Variants in AKAP6 observed in about 807,000 individuals in gnomAD.
The protein encoded by AKAP6 is A-kinase anchoring protein 6.
Under a neutral mutation model 188.5 loss-of-function variants are expected in AKAP6, and 58 were observed. The observed-to-expected ratio is 0.31, with a 90% CI of 0.25 to 0.38. The LOEUF (loss-of-function observed/expected upper bound fraction) is 0.38. Among genes scored for constraint, AKAP6 ranks in the 10% least tolerant of loss-of-function variants. The pLI, the probability that AKAP6 is intolerant of heterozygous loss-of-function variation, is 1.00. For missense variants in AKAP6, 2,710 were observed against 2,740.0 expected (o/e 0.99, Z 0.24); for synonymous variants, 989 against 998.6 (o/e 0.99, Z 0.18).
intron 10 of AKAP6, chr14:32,732,876 C>T (rs965611806): frequency 5.1e-6 from 3 of 592,848 alleles, no homozygotes; most frequent in East Asian, 2.8e-5. Context: ...TATGGGTATG[C>T]ACCAAGTCAA....
At chr14:32,509,603 T>C (rs1881070218) in intron 2 of AKAP6, among the ~76,000 whole-genome samples, 3 of 152,218 alleles carry the variant, frequency 2.0e-5, no homozygotes, top group African/African-American at 7.2e-5. Flanking sequence ...TTATGAATTC[T>C]CCTTGACCAT....
intron 11 of AKAP6, among the ~76,000 whole-genome samples, chr14:32,737,625 G>A (rs1187434924): frequency 6.6e-6 from 1 of 152,038 alleles, no homozygotes; most frequent in Admixed American, 6.6e-5. Context: ...TGCCTCTCGT[G>A]GGTTCCTAAA....
chr14:32,824,062 T>C lies in AKAP6; in HGVS notation c.6249T>C (p.Ala2083=). The C allele has an allele frequency of 2.5e-6, 4 of 1,613,922 alleles. No homozygotes were observed. The East Asian group carries it at 8.9e-5, about 36-fold the overall frequency. ...SKSQPENEVA[A]PTSLTQIKEK... ...CTCAACCTGAAAACGAGGTGGCTGC[T>C]CCTACTTCATTAACTCAAATCAAGG... The change falls in exon 13 of 14, where the codon GCT becomes GCC. Residue 2083 remains alanine (A), a synonymous_variant. Transcript: ENST00000280979.
At chr14:32,394,170 T>C (rs1210424534) in intron 1 of AKAP6, among the ~76,000 whole-genome samples, 3 of 152,174 alleles carry the variant, frequency 2.0e-5, no homozygotes, top group African/African-American at 7.2e-5. Context: ...TTGAAAGCTA[T>C]TTGGTAGTTC....
chr14:32,786,369 G>A (rs1277727246), intron 12 of AKAP6, among the ~76,000 whole-genome samples: 1 of 133,290 alleles, frequency 7.5e-6, no homozygotes, highest in Non-Finnish European at 1.5e-5. Context: ...GTGCAGTGGC[G>A]CCATCTTGGC....
At chr14:32,763,827 A>G (rs2032619357) in intron 11 of AKAP6, among the ~76,000 whole-genome samples, 1 of 152,144 alleles carries the variant, frequency 6.6e-6, no homozygotes, top group South Asian at 2.1e-4. Context: ...TAAGTTTGTA[A>G]TCAGTTAAAA....
At chr14:32,467,840 G>C (rs1208498137) in intron 2 of AKAP6, among the ~76,000 whole-genome samples, 2 of 151,884 alleles carry the variant, frequency 1.3e-5, no homozygotes, top group African/African-American at 2.4e-5. Flanking sequence ...GCACCTCTCT[G>C]TTTCTTTTCT....
intron 1 of AKAP6, among the ~76,000 whole-genome samples, chr14:32,343,830 C>T (rs1405903561): frequency 2.0e-5 from 3 of 150,024 alleles, no homozygotes; most frequent in African/African-American, 7.4e-5. Context: ...AGTATCTCTG[C>T]TTGGCCCATG....
At chr14:32,813,874 A>ATTTTTTTTT (rs71115099) in intron 12 of AKAP6, among the ~76,000 whole-genome samples, 1 of 142,640 alleles carries the variant, frequency 7.0e-6, no homozygotes, top group African/African-American at 2.6e-5. Flanking sequence ...AAGTGATAGG[A>ATTTTTTTTT]TTTTTTTTTT....
intron 11 of AKAP6, among the ~76,000 whole-genome samples, chr14:32,765,195 A>G (rs2032673493): frequency 6.6e-6 from 1 of 152,076 alleles, no homozygotes; most frequent in Admixed American, 6.6e-5. Context: ...AGCCTCCCAA[A>G]GTGCTGGGAT....
rs1890960447 is a variant in AKAP6, at chr14:32,709,715, C to T, written c.3000+13605C>T. On this transcript the variant is annotated intron_variant, in intron 9 of 13. Transcript: ENST00000280979. ...ATTAAAATGTTTAACTCTCCCTTTC[C>T]TGAAAGTCTTCTTATTTCTAGTGTA... Among the ~76,000 whole-genome samples the T allele has an allele frequency of 2.0e-5, 3 of 151,978 alleles. No individual in the cohort carries two copies. The South Asian group carries it at 6.2e-4, about 31-fold the overall frequency.
intron 9 of AKAP6, among the ~76,000 whole-genome samples, chr14:32,698,259 T>G (rs188750232): frequency 6.6e-6 from 1 of 152,238 alleles, no homozygotes; most frequent in Admixed American, 6.5e-5. Flanking sequence ...GATTTCCAGG[T>G]TAAGTCAACA....
intron 4 of AKAP6, among the ~76,000 whole-genome samples, chr14:32,567,692 C>G (rs1224550589): frequency 2.0e-5 from 3 of 152,170 alleles, no homozygotes; most frequent in Non-Finnish European, 2.9e-5. Flanking sequence ...TCAAGCCACA[C>G]TCACTCTTGT....
chr14:32,714,296 A>G lies in AKAP6; in HGVS notation c.3001-18158A>G, dbSNP rs538670316. Among the ~76,000 whole-genome samples, 3 of 152,160 alleles carry G rather than the reference A, an allele frequency of 2.0e-5. No homozygotes were observed. The South Asian group carries it at 6.2e-4, about 32-fold the overall frequency. The stretch of plus-strand genomic sequence containing the variant: ...TTGAAATATTGACCAAATTACTAAA[A>G]TGTAACGCAGAGATACAAAATGAGC... On this transcript the variant is annotated intron_variant, in intron 9 of 13. Coordinates refer to ENST00000280979, the MANE Select transcript of AKAP6 (RefSeq NM_004274.5).
chr14:32,806,049 A>G (rs879578173), intron 12 of AKAP6, among the ~76,000 whole-genome samples: 13 of 152,144 alleles, frequency 8.5e-5, no homozygotes, highest in Non-Finnish European at 1.6e-4. Context: ...TATTTAATCT[A>G]TTTGCAAGGA....
At chr14:32,749,405 G>A (rs1283992263) in intron 11 of AKAP6, among the ~76,000 whole-genome samples, 3 of 152,114 alleles carry the variant, frequency 2.0e-5, no homozygotes, top group African/African-American at 4.8e-5. Context: ...TTCCCTCATC[G>A]AAAATGATAC....
At chr14:32,616,156 A>T (rs1381688495) in intron 7 of AKAP6, among the ~76,000 whole-genome samples, 1 of 152,206 alleles carries the variant, frequency 6.6e-6, no homozygotes, top group Non-Finnish European at 1.5e-5. Flanking sequence ...TGTTGGTGGG[A>T]GTGTAAATTA....
Position 32,824,314 on chromosome 14 carries a change from G to A in AKAP6, c.6501G>A (p.Glu2167=), listed in dbSNP as rs1407285610. Reference sequence around the variant, plus strand: ...GTGTTGAGGGTGACTCTGATGGAGAGGAGCCTTGTTTCTCTAGTGCTCCTC... The same window carrying A: ...GTGTTGAGGGTGACTCTGATGGAGAAGAGCCTTGTTTCTCTAGTGCTCCTC... ...EACVEGDSDG[E]EPCFSSAPPN... is the part of the protein sequence containing the mutation. Residue 2167 remains glutamate (E), a synonymous_variant, in exon 13 of 14, where the codon GAG becomes GAA. Transcript: ENST00000280979. 1.2e-5 allele frequency: 20 copies of A among 1,613,784 alleles called. No individual in the cohort carries two copies. The highest frequency in any genetic ancestry group is 1.7e-5 in the Non-Finnish European group (20 of 1,179,890).
chr14:32,545,370 G>T lies in AKAP6; in HGVS notation c.717G>T (p.Gly239=), dbSNP rs1462116887. Residue 239 remains glycine, a synonymous_variant, in exon 4 of 14, where the codon GGG becomes GGT. Coordinates refer to ENST00000280979, the MANE Select transcript of AKAP6 (RefSeq NM_004274.5). The part of the protein sequence containing the change: ...DYSPSEDLLS[G]LGDMTSSQVK... ...GTCCAAGTGAGGATTTGCTCAGTGG[G>T]CTAGGTGACATGACCTCTAGCCAAG... 1 of 1,614,048 alleles carries T rather than the reference G, an allele frequency of 6.2e-7. No individual in the cohort carries two copies. Among genetic ancestry groups the T allele is most frequent in the Admixed American group, 1.7e-5 (1 of 60,000 alleles).
Sources: gnomAD v4.1 joint callset for allele counts (sites outside exome capture counted in the v4.1 genomes callset) on GRCh38, gnomAD v4.1.1 for gene constraint, MANE v1.5 for transcripts, NCBI Gene and HGNC (gene_info 2026-07-23, HGNC 2026-07-21) for gene names.